STX8: variants seen among roughly 807,000 people sequenced by gnomAD.
The protein encoded by STX8 is syntaxin-8.
STX8 carries 23 observed loss-of-function variants against 37.5 expected under a neutral mutation model. That is an observed-to-expected ratio of 0.61 (90% CI 0.44 to 0.87). The LOEUF (loss-of-function observed/expected upper bound fraction) is 0.87, where lower values mean the gene tolerates loss of function less well. STX8 is among the 40% of genes least tolerant of loss of function. The pLI is 0.00. For missense variants in STX8, 313 were observed against 284.7 expected (o/e 1.10, Z -0.71); for synonymous variants, 115 against 99.1 (o/e 1.16, Z -0.95).
At chr17:9,261,101 G>A (rs978697285) in intron 7 of STX8, among the ~76,000 whole-genome samples, 1 of 152,212 alleles carries the variant, frequency 6.6e-6, no homozygotes, top group Non-Finnish European at 1.5e-5. Context: ...GAGCTGGACG[G>A]CAGCCTAGTG....
At chr17:9,568,542 C>T in intron 1 of STX8, 72 bp from the exon 2 acceptor site, 1 of 1,330,024 alleles carries the variant, frequency 7.5e-7, no homozygotes, top group Non-Finnish European at 1.0e-6. Flanking sequence ...GCTCTGTCGC[C>T]CAGGCTGGAG....
At chr17:9,354,848 T>C (rs1016987743) in intron 7 of STX8, among the ~76,000 whole-genome samples, 2 of 152,210 alleles carry the variant, frequency 1.3e-5, no homozygotes, top group Non-Finnish European at 2.9e-5. Flanking sequence ...TGGTCTGTTG[T>C]GCAGCCTTCC....
intron 7 of STX8, among the ~76,000 whole-genome samples, chr17:9,251,889 T>C (rs1597564188): frequency 1.3e-5 from 2 of 151,996 alleles, no homozygotes; most frequent in African/African-American, 2.4e-5. Context: ...AGTGGCTGGG[T>C]GCAGTGGCTC....
intron 6 of STX8, among the ~76,000 whole-genome samples, chr17:9,443,568 G>T (rs931491447): frequency 6.6e-6 from 1 of 151,994 alleles, no homozygotes; most frequent in South Asian, 2.1e-4. Flanking sequence ...GAGCCATAGA[G>T]CCACACAGAG....
intron 7 of STX8, among the ~76,000 whole-genome samples, chr17:9,340,744 G>C (rs1910325331): frequency 7.7e-6 from 1 of 129,764 alleles, no homozygotes. Context: ...CGCAACCTCT[G>C]CCTCCCGGGT....
chr17:9,335,941 G>A (rs1910126879), intron 7 of STX8, among the ~76,000 whole-genome samples: 1 of 152,082 alleles, frequency 6.6e-6, no homozygotes, highest in South Asian at 2.1e-4. Context: ...ATATGGCTAT[G>A]TGTTTATTGA....
At chr17:9,514,876 C>T (rs1457534383) in intron 4 of STX8, among the ~76,000 whole-genome samples, 1 of 152,170 alleles carries the variant, frequency 6.6e-6, no homozygotes, top group African/African-American at 2.4e-5. Context: ...GAAAATCACC[C>T]TTCGCTGTAC....
intron 7 of STX8, among the ~76,000 whole-genome samples, chr17:9,277,937 CTA>C: frequency 1.3e-5 from 2 of 152,216 alleles, no homozygotes; most frequent in Middle Eastern, 6.8e-3. Context: ...GGATTTTATC[CTA>C]AGTACAAGGG....
Position 9,491,811 on chromosome 17 carries a change from T to C in STX8, c.541+18A>G, listed in dbSNP as rs1270097204. ...TTATGTCAACGGCAAATCTGGTCAATCCCAGACTTATTCTTACCATTTTGT... is the reference window on the plus strand; with the variant it reads ...TTATGTCAACGGCAAATCTGGTCAACCCCAGACTTATTCTTACCATTTTGT... On this transcript the variant is annotated intron_variant, in intron 6 of 7. Coordinates refer to ENST00000306357, the MANE Select transcript of STX8 (RefSeq NM_004853.3). The C allele has an allele frequency of 1.9e-6, 3 of 1,602,682 alleles. No individual in the cohort carries two copies. The highest frequency in any genetic ancestry group is 2.2e-5 in the East Asian group (1 of 44,802).
chr17:9,287,047 T>C (rs1383711220), intron 7 of STX8, among the ~76,000 whole-genome samples: 1 of 152,164 alleles, frequency 6.6e-6, no homozygotes. Flanking sequence ...TGAATGCCCT[T>C]GGTTATCTCT....
At chr17:9,561,664 C>CAAAAAAAAAAA (rs11353116) in intron 2 of STX8, among the ~76,000 whole-genome samples, 3 of 66,668 alleles carry the variant, frequency 4.5e-5, no homozygotes, top group Admixed American at 2.4e-4. Context: ...TCCATCTGGC[C>CAAAAAAAAAAA]AAAAAAAAAA....
chr17:9,564,043 C>A (rs1259225702), intron 2 of STX8, among the ~76,000 whole-genome samples: 2 of 152,174 alleles, frequency 1.3e-5, no homozygotes, highest in Non-Finnish European at 2.9e-5. Context: ...TTCAACACCA[C>A]TTCACGTTAA....
At chr17:9,560,703 C>T (rs996787685) in intron 2 of STX8, among the ~76,000 whole-genome samples, 2 of 149,210 alleles carry the variant, frequency 1.3e-5, no homozygotes, top group African/African-American at 4.9e-5. Context: ...ATTTGGAATT[C>T]TTTTATTGCA....
Position 9,545,166 on chromosome 17 carries a change from T to C in STX8, c.323+6A>G. On this transcript the variant is annotated splice_donor_region_variant and intron_variant, in intron 4 of 7. Coordinates refer to ENST00000306357, the MANE Select transcript of STX8 (RefSeq NM_004853.3). ...CAAGTAATCCCTGTAAATAAAAACA[T>C]CCTACCTGATTAGATCTGGTTCGGC... 1.2e-6 allele frequency: 2 copies of C among 1,604,540 alleles called. No homozygotes were observed. The highest frequency in any genetic ancestry group is 1.7e-6 in the Non-Finnish European group (2 of 1,171,780).
intron 6 of STX8, among the ~76,000 whole-genome samples, chr17:9,475,157 T>C (rs1477240989): frequency 6.6e-6 from 1 of 152,034 alleles, no homozygotes; most frequent in Non-Finnish European, 1.5e-5. Flanking sequence ...CACAATGAAA[T>C]GGCAGTCAAG....
At chr17:9,294,115 C>T (rs564225757) in intron 7 of STX8, among the ~76,000 whole-genome samples, 8 of 152,238 alleles carry the variant, frequency 5.3e-5, no homozygotes, top group South Asian at 2.1e-4. Flanking sequence ...GAAGATTCCA[C>T]GGCTAGCCTA....
At chr17:9,574,779 C>T (rs1205939242) in intron 1 of STX8, among the ~76,000 whole-genome samples, 1 of 152,228 alleles carries the variant, frequency 6.6e-6, no homozygotes, top group Non-Finnish European at 1.5e-5. Flanking sequence ...GGTGATCTGC[C>T]TGCCTCGGCC....
At chr17:9,298,681 G>A (rs1212563099) in intron 7 of STX8, among the ~76,000 whole-genome samples, 1 of 152,004 alleles carries the variant, frequency 6.6e-6, no homozygotes, top group African/African-American at 2.4e-5. Flanking sequence ...GTGTGGTGGC[G>A]GACATCTGTA....
intron 2 of STX8, among the ~76,000 whole-genome samples, chr17:9,558,453 G>C (rs572205344): frequency 6.6e-6 from 1 of 152,242 alleles, no homozygotes; most frequent in South Asian, 2.1e-4. Flanking sequence ...AGTCTAACCT[G>C]AACTATCCCC....
Sources: gnomAD v4.1 joint callset for allele counts (sites outside exome capture counted in the v4.1 genomes callset) on GRCh38, gnomAD v4.1.1 for gene constraint, MANE v1.5 for transcripts, NCBI Gene and HGNC (gene_info 2026-07-23, HGNC 2026-07-21) for gene names.